Variants in SCHIP1 observed in about 807,000 individuals in gnomAD.
SCHIP1 encodes schwannomin-interacting protein 1.
A neutral mutation model predicts 29.7 loss-of-function variants in SCHIP1; 8 were observed. The observed-to-expected ratio is 0.27, with a 90% CI of 0.16 to 0.49. SCHIP1 has a LOEUF of 0.49. Ranked by LOEUF, SCHIP1 falls within the 20% of genes least tolerant of loss-of-function variation. SCHIP1 has a pLI of 0.99. For synonymous variants in SCHIP1, 76 were observed against 94.9 expected, an observed-to-expected ratio of 0.80 and a Z score of 1.16; for missense variants, 193 against 294.6, an observed-to-expected ratio of 0.66 and a Z score of 2.52.
the SCHIP1 span, among the ~76,000 whole-genome samples, chr3:159,719,516 A>G: frequency 1.3e-5 from 2 of 152,204 alleles, no homozygotes; most frequent in Admixed American, 6.5e-5. Context: ...GAATCTACAA[A>G]GAACTTAAAC....
At chr3:159,540,480 C>A in the SCHIP1 span, among the ~76,000 whole-genome samples, 1 of 152,048 alleles carries the variant, frequency 6.6e-6, no homozygotes, top group Non-Finnish European at 1.5e-5. Context: ...GAATCTTTGT[C>A]CCGAGGGGAG....
At chr3:159,473,824 T>A in the SCHIP1 span, among the ~76,000 whole-genome samples, 24 of 152,092 alleles carry the variant, frequency 1.6e-4, no homozygotes, top group East Asian at 4.3e-3. Context: ...ATTTCAAAAA[T>A]AAATTCTTGA....
the SCHIP1 span, among the ~76,000 whole-genome samples, chr3:159,540,607 C>T: frequency 3.3e-5 from 5 of 152,022 alleles, no homozygotes; most frequent in Non-Finnish European, 1.5e-5. Flanking sequence ...TCACCTATAT[C>T]GCCTATGCAG....
At chr3:159,478,641 G>A in the SCHIP1 span, among the ~76,000 whole-genome samples, 5 of 152,094 alleles carry the variant, frequency 3.3e-5, no homozygotes, top group African/African-American at 9.7e-5. Context: ...AATAGAGATA[G>A]CATTGAATTT....
the SCHIP1 span, among the ~76,000 whole-genome samples, chr3:159,680,038 G>C: frequency 7.0e-6 from 1 of 142,492 alleles, no homozygotes; most frequent in South Asian, 2.3e-4. Context: ...ATTTATCTCG[G>C]TACTTCCCAC....
At chr3:159,291,759 A>G in the SCHIP1 span, among the ~76,000 whole-genome samples, 15 of 152,194 alleles carry the variant, frequency 9.9e-5, no homozygotes, top group Admixed American at 9.8e-4. Context: ...AACTTCCACT[A>G]TAGGAAATAT....
chr3:159,611,965 A>C, the SCHIP1 span, among the ~76,000 whole-genome samples: 1 of 152,276 alleles, frequency 6.6e-6, no homozygotes. Flanking sequence ...TTTTCTCATA[A>C]GTGGAAATTA....
the SCHIP1 span, among the ~76,000 whole-genome samples, chr3:159,772,723 T>C: frequency 6.6e-6 from 1 of 152,216 alleles, no homozygotes; most frequent in African/African-American, 2.4e-5. Context: ...AATGCTGTGA[T>C]GTTGCATTTG....
the SCHIP1 span, among the ~76,000 whole-genome samples, chr3:159,645,514 A>G: frequency 6.6e-6 from 1 of 152,162 alleles, no homozygotes; most frequent in Admixed American, 6.6e-5. Context: ...ACTGCTTGCA[A>G]CCTTCAGAAT....
At chr3:159,554,020 T>TGTGTGTGTGTGTGTGTGTGTGTG in the SCHIP1 span, among the ~76,000 whole-genome samples, 1 of 66,636 alleles carries the variant, frequency 1.5e-5, no homozygotes, top group Non-Finnish European at 3.0e-5. Flanking sequence ...GTGTGTGTGT[T>TGTGTGTGTGTGTGTGTGTGTGTG]TGTGTATGTG....
At chr3:159,768,041 G>T in the SCHIP1 span, among the ~76,000 whole-genome samples, 1 of 152,154 alleles carries the variant, frequency 6.6e-6, no homozygotes, top group African/African-American at 2.4e-5. Flanking sequence ...CCATTTTACA[G>T]TTGAGAAAAT....
At chr3:159,304,989 T>G in the SCHIP1 span, among the ~76,000 whole-genome samples, 5 of 152,176 alleles carry the variant, frequency 3.3e-5, no homozygotes, top group Admixed American at 2.6e-4. Flanking sequence ...ATGGAGCTCA[T>G]AGAGATCTCT....
the SCHIP1 span, among the ~76,000 whole-genome samples, chr3:159,302,528 A>G: frequency 1.3e-5 from 2 of 152,222 alleles, no homozygotes; most frequent in Non-Finnish European, 2.9e-5. Flanking sequence ...ATGCCAGGGT[A>G]TGTTATCTGT....
the SCHIP1 span, among the ~76,000 whole-genome samples, chr3:159,758,306 C>T: frequency 6.6e-6 from 1 of 152,170 alleles, no homozygotes; most frequent in Non-Finnish European, 1.5e-5. Context: ...GTGCCCGCCA[C>T]CATGCCTGGC....
the SCHIP1 span, among the ~76,000 whole-genome samples, chr3:159,391,103 G>C: frequency 1.3e-5 from 2 of 152,082 alleles, no homozygotes; most frequent in Non-Finnish European, 2.9e-5. Flanking sequence ...ATGAATGTGG[G>C]GACACGCAGG....
At chr3:159,376,076 G>T in the SCHIP1 span, among the ~76,000 whole-genome samples, 1 of 151,962 alleles carries the variant, frequency 6.6e-6, no homozygotes. Context: ...AATGTTGTGT[G>T]GTATATGAAA....
At chr3:159,433,924 T>C in the SCHIP1 span, among the ~76,000 whole-genome samples, 1 of 152,204 alleles carries the variant, frequency 6.6e-6, no homozygotes, top group African/African-American at 2.4e-5. Flanking sequence ...CATTAGCTAC[T>C]GCATCCACTG....
the SCHIP1 span, among the ~76,000 whole-genome samples, chr3:159,823,022 C>T: frequency 6.6e-6 from 1 of 151,502 alleles, no homozygotes; most frequent in Non-Finnish European, 1.5e-5. Context: ...TGAGAGAGGG[C>T]CCACCGAAAG....
the SCHIP1 span, among the ~76,000 whole-genome samples, chr3:159,757,252 C>T: frequency 2.0e-5 from 3 of 152,200 alleles, no homozygotes; most frequent in Admixed American, 6.5e-5. Context: ...GGAGGCCTCA[C>T]AATCATGGTG....
Sources: allele counts gnomAD v4.1 joint callset (sites outside exome capture counted in the v4.1 genomes callset), GRCh38; gene constraint gnomAD v4.1.1; transcripts MANE v1.5; gene names NCBI Gene and HGNC (gene_info 2026-07-23, HGNC 2026-07-21).